Variants in PLPPR1 observed in about 807,000 individuals in gnomAD.
PLPPR1 encodes the protein phospholipid phosphatase-related protein type 1.
Under a neutral mutation model 33.1 loss-of-function variants are expected in PLPPR1, and 10 were observed. The ratio of observed to expected loss-of-function variants is 0.30; its 90% CI spans 0.19 to 0.51. The LOEUF is 0.51. Among genes scored for constraint, PLPPR1 ranks in the 20% least tolerant of loss-of-function variants. The pLI is 0.97. For missense variants in PLPPR1, 304 were observed against 408.1 expected, an observed-to-expected ratio of 0.74 and a Z score of 2.20; for synonymous variants, 151 against 151.0, an observed-to-expected ratio of 1.00 and a Z score of 0.00.
chr9:101,165,076 G>A (rs975752502), intron 1 of PLPPR1, among the ~76,000 whole-genome samples: 1 of 152,158 alleles, frequency 6.6e-6, no homozygotes, highest in Admixed American at 6.6e-5. Context: ...GCCAGATGCT[G>A]TGAGAGACAT....
intron 2 of PLPPR1, among the ~76,000 whole-genome samples, chr9:101,203,621 G>GA (rs963976803): frequency 3.0e-4 from 42 of 140,952 alleles, no homozygotes; most frequent in African/African-American, 1.1e-3. Flanking sequence ...AAATTGGGAG[G>GA]AAAAAAATGG....
intron 1 of PLPPR1, among the ~76,000 whole-genome samples, chr9:101,067,839 C>T (rs1056464983): frequency 6.6e-6 from 1 of 152,028 alleles, no homozygotes; most frequent in Non-Finnish European, 1.5e-5. Flanking sequence ...TGTTTAAATC[C>T]TAGGCCTGGC....
At chr9:101,211,440 T>G (rs1414496243) in intron 2 of PLPPR1, among the ~76,000 whole-genome samples, 1 of 152,216 alleles carries the variant, frequency 6.6e-6, no homozygotes, top group Non-Finnish European at 1.5e-5. Context: ...GTGACTGAGA[T>G]ATCTAAGACC....
chr9:101,113,483 A>G (rs1831081989), intron 1 of PLPPR1, among the ~76,000 whole-genome samples: 1 of 152,198 alleles, frequency 6.6e-6, no homozygotes, highest in Non-Finnish European at 1.5e-5. Flanking sequence ...CAGAAAATTT[A>G]TCTTCCCAAG....
intron 1 of PLPPR1, among the ~76,000 whole-genome samples, chr9:101,074,952 A>G (rs1830519402): frequency 6.6e-6 from 1 of 152,290 alleles, no homozygotes; most frequent in East Asian, 1.9e-4. Flanking sequence ...AAATTAAGGG[A>G]GATCACTTAC....
chr9:101,323,605 TG>T (rs1658135615), intron 7 of PLPPR1, among the ~76,000 whole-genome samples: 1 of 151,912 alleles, frequency 6.6e-6, no homozygotes, highest in Non-Finnish European at 1.5e-5. Flanking sequence ...TTTGGGAGGC[TG>T]GGGCGGGTGG....
At chr9:101,237,926 CTATATATATATATATGCTA>C (rs1223809772) in intron 2 of PLPPR1, among the ~76,000 whole-genome samples, 1 of 102,230 alleles carries the variant, frequency 9.8e-6, no homozygotes, top group Non-Finnish European at 1.9e-5. Flanking sequence ...GAGAATAAGC[CTATATATATATATATGCTA>C]TATATATATA....
At chr9:101,287,408 G>A (rs963668775) in intron 4 of PLPPR1, among the ~76,000 whole-genome samples, 3 of 152,186 alleles carry the variant, frequency 2.0e-5, no homozygotes, top group African/African-American at 7.2e-5. Context: ...TCATCAAGGG[G>A]AAATGAGGAG....
At chr9:101,189,094 C>T (rs1826252727) in intron 2 of PLPPR1, among the ~76,000 whole-genome samples, 1 of 152,098 alleles carries the variant, frequency 6.6e-6, no homozygotes, top group Admixed American at 6.6e-5. Flanking sequence ...CCCTGTGACA[C>T]AGCCTGCAGG....
At chr9:101,242,777 T>C (rs1235213744) in intron 2 of PLPPR1, among the ~76,000 whole-genome samples, 1 of 152,088 alleles carries the variant, frequency 6.6e-6, no homozygotes, top group Non-Finnish European at 1.5e-5. Context: ...AATTAAGTGC[T>C]CACTGTGTAC....
intron 1 of PLPPR1, among the ~76,000 whole-genome samples, chr9:101,154,280 G>A (rs888402911): frequency 6.6e-6 from 1 of 152,142 alleles, no homozygotes; most frequent in Non-Finnish European, 1.5e-5. Context: ...GTTTCAGAAG[G>A]AATGGTACCA....
intron 4 of PLPPR1, among the ~76,000 whole-genome samples, chr9:101,289,656 C>T (rs1004123547): frequency 1.2e-4 from 19 of 152,266 alleles, no homozygotes; most frequent in African/African-American, 4.6e-4. Context: ...TCTGCTTTTG[C>T]GTCTTCCTCA....
chr9:101,076,590 A>G (rs1312043978), intron 1 of PLPPR1, among the ~76,000 whole-genome samples: 3 of 152,236 alleles, frequency 2.0e-5, no homozygotes, highest in Non-Finnish European at 4.4e-5. Flanking sequence ...ATTCAAATAC[A>G]CTTGTGGAAA....
chr9:101,090,096 A>G (rs944708225), intron 1 of PLPPR1, among the ~76,000 whole-genome samples: 1 of 152,180 alleles, frequency 6.6e-6, no homozygotes, highest in African/African-American at 2.4e-5. Flanking sequence ...CATGACTCCA[A>G]TCTTCACACA....
intron 2 of PLPPR1, among the ~76,000 whole-genome samples, chr9:101,242,242 T>C (rs1392944998): frequency 6.8e-6 from 1 of 146,928 alleles, no homozygotes; most frequent in Non-Finnish European, 1.5e-5. Flanking sequence ...CTGGAATTCT[T>C]TTTTTTTTTT....
chr9:101,031,763 C>T (rs892598034), intron 1 of PLPPR1, among the ~76,000 whole-genome samples: 4 of 151,954 alleles, frequency 2.6e-5, no homozygotes, highest in African/African-American at 9.7e-5. Flanking sequence ...TAGTCTTTTA[C>T]CAGGGAGGAA....
rs149012923 is a variant in PLPPR1 at position 101,206,103 on chromosome 9, G to A, written c.63+20546G>A. On this transcript the variant is annotated intron_variant, in intron 2 of 7. Coordinates refer to ENST00000374874, the MANE Select transcript of PLPPR1 (RefSeq NM_207299.2). Reference sequence around the variant, plus strand: ...AATTGTTAAAGTCTTAGTGAATACAGAATTTAGGGGAACTAGCTCATTTCT... The same window carrying A: ...AATTGTTAAAGTCTTAGTGAATACAAAATTTAGGGGAACTAGCTCATTTCT... Among the ~76,000 whole-genome samples the A allele has an allele frequency of 2.5e-4, 38 of 152,322 alleles. 1 individual carries two copies. In the East Asian group the frequency reaches 6.9e-3, roughly 28 times the overall value.
At chr9:101,079,644 A>C (rs1373250440) in intron 1 of PLPPR1, among the ~76,000 whole-genome samples, 1 of 151,114 alleles carries the variant, frequency 6.6e-6, no homozygotes, top group Admixed American at 6.6e-5. Context: ...CAGTGGCACG[A>C]TCTTGGCTCA....
At chr9:101,214,855 T>C (rs1468279137) in intron 2 of PLPPR1, among the ~76,000 whole-genome samples, 1 of 151,862 alleles carries the variant, frequency 6.6e-6, no homozygotes, top group Non-Finnish European at 1.5e-5. Flanking sequence ...AAATCTTGTC[T>C]CTACTAAAAA....
Sources: allele counts gnomAD v4.1 joint callset (sites outside exome capture counted in the v4.1 genomes callset), GRCh38; gene constraint gnomAD v4.1.1; transcripts MANE v1.5; gene names NCBI Gene and HGNC (gene_info 2026-07-23, HGNC 2026-07-21).